The following DDC variants were observed in gnomAD, a reference collection of about 807,000 sequenced individuals.
The protein encoded by DDC is aromatic-L-amino-acid decarboxylase.
DDC carries 43 observed loss-of-function variants against 60.0 expected under a neutral mutation model. That is an observed-to-expected ratio of 0.72 (90% CI 0.56 to 0.92). The LOEUF is 0.92. Ranked by LOEUF, DDC falls within the 40% of genes least tolerant of loss-of-function variation. The pLI, the probability that DDC is intolerant of heterozygous loss-of-function variation, is 0.00. For missense variants in DDC, 573 were observed against 620.2 expected (o/e 0.92, Z 0.81); for synonymous variants, 232 against 234.6 (o/e 0.99, Z 0.10).
At chr7:50,512,938 C>G (rs2043620280) in intron 6 of DDC, among the ~76,000 whole-genome samples, 2 of 152,162 alleles carry the variant, frequency 1.3e-5, no homozygotes, top group Admixed American at 6.6e-5. Context: ...CTGAAAGAAC[C>G]TTACATTTAT....
intron 9 of DDC, among the ~76,000 whole-genome samples, chr7:50,487,438 A>G (rs1486166741): frequency 2.0e-5 from 3 of 152,170 alleles, no homozygotes; most frequent in Non-Finnish European, 4.4e-5. Flanking sequence ...TTTTTGCTTA[A>G]GAAAATGTAT....
intron 14 of DDC, among the ~76,000 whole-genome samples, chr7:50,462,287 T>G: frequency 6.9e-6 from 1 of 145,248 alleles, no homozygotes; most frequent in East Asian, 2.0e-4. Context: ...CCCAACAGGA[T>G]GACATTCTTA....
intron 11 of DDC, among the ~76,000 whole-genome samples, chr7:50,472,763 C>T (rs985653387): frequency 2.0e-5 from 3 of 152,172 alleles, no homozygotes; most frequent in Non-Finnish European, 4.4e-5. Context: ...TGAACAGCCT[C>T]CTCCTGGGAC....
intron 6 of DDC, among the ~76,000 whole-genome samples, chr7:50,519,478 C>T (rs187808051): frequency 2.6e-5 from 4 of 152,304 alleles, no homozygotes; most frequent in East Asian, 1.9e-4. Context: ...ATTGCAAAAT[C>T]GTGGAACCAA....
chr7:50,495,281 T>G (rs1563001839), intron 9 of DDC, 69 bp downstream of exon 9: 2 of 1,211,342 alleles, frequency 1.7e-6, no homozygotes, highest in East Asian at 4.6e-5. Context: ...GGCTCTGGCA[T>G]CTTCCCTGCC....
chr7:50,505,706 C>G (rs930817593), intron 6 of DDC, among the ~76,000 whole-genome samples: 2 of 152,256 alleles, frequency 1.3e-5, no homozygotes, highest in African/African-American at 4.8e-5. Context: ...ACTTCTCAGA[C>G]AGAGCGATGC....
intron 6 of DDC, among the ~76,000 whole-genome samples, chr7:50,519,980 C>T (rs1248549591): frequency 7.5e-6 from 1 of 134,120 alleles, no homozygotes; most frequent in Non-Finnish European, 1.7e-5. Flanking sequence ...AAACAAAAAC[C>T]AGTAAATCCT....
Position 50,511,394 on chromosome 7 carries a change from G to A in DDC, c.715-7335C>T, listed in dbSNP as rs112622892. Among the ~76,000 whole-genome samples, 293 of 152,206 alleles carry A rather than the reference G, an allele frequency of 1.9e-3. 2 individuals are homozygous for A. Among genetic ancestry groups the A allele is most frequent in the African/African-American group, 6.7e-3 (278 of 41,508 alleles). On this transcript the variant is annotated intron_variant, in intron 6 of 14. Transcript: ENST00000444124. ...AAAGAAAGAAAATCTGACTAGGCATGGTGGCTCATGCTTGTAACCCCAACA... is the reference window on the plus strand; with the variant it reads ...AAAGAAAGAAAATCTGACTAGGCATAGTGGCTCATGCTTGTAACCCCAACA...
intron 7 of DDC, among the ~76,000 whole-genome samples, chr7:50,503,494 A>G (rs2043307360): frequency 6.6e-6 from 1 of 152,228 alleles, no homozygotes; most frequent in Admixed American, 6.5e-5. Flanking sequence ...TGAAGCACAG[A>G]TTATTCCTTG....
chr7:50,507,094 A>G (rs568737279), intron 6 of DDC, among the ~76,000 whole-genome samples: 1 of 152,344 alleles, frequency 6.6e-6, no homozygotes, highest in South Asian at 2.1e-4. Context: ...GAGAATAGCG[A>G]AAAAGAATGA....
At chr7:50,510,244 A>G (rs1043720855) in intron 6 of DDC, among the ~76,000 whole-genome samples, 4 of 151,858 alleles carry the variant, frequency 2.6e-5, no homozygotes, top group African/African-American at 7.3e-5. Flanking sequence ...CAAAGTGCTG[A>G]GATTACAGGT....
At position 50,543,984 on chromosome 7, in the gene DDC, C is replaced by T. The variant is rs1181798274; in HGVS notation, c.102G>A (p.Glu34=). 1 of 1,614,086 alleles carries T rather than the reference C, an allele frequency of 6.2e-7. No homozygotes were observed. Among genetic ancestry groups the T allele is most frequent in the Non-Finnish European group, 8.5e-7 (1 of 1,180,042 alleles). The part of the protein sequence containing the change: ...IEGRQVYPDV[E]PGYLRPLIPA... ...GGATCAGCGGCCGCAGGTACCCGGG[C>T]TCCACGTCAGGGTAGACCTGGCGTC... The change falls in exon 2 of 15, where the codon GAG becomes GAA. Residue 34 remains glutamate (E), a synonymous_variant. Coordinates refer to ENST00000444124, the MANE Select transcript of DDC (RefSeq NM_001082971.2).
rs866560954 is a variant in DDC at position 50,529,071 on chromosome 7, G to A, written c.570+137C>T. On this transcript the variant is annotated intron_variant, in intron 5 of 14. Transcript: ENST00000444124. ...CCCAAGAATCCACCCCTTCCCTGTA[G>A]TTCAGGTCTCTATTTAGTGATACCT... The A allele has an allele frequency of 6.9e-6, 8 of 1,155,524 alleles. No homozygotes were observed. The Middle Eastern group carries it at 1.1e-3, about 164-fold the overall frequency. The allele number at this position is 1,155,524 out of a possible 1,614,324, so 71.6% of individuals were successfully genotyped here.
In DDC at chr7:50,497,716, G is replaced by A. The variant is rs192542866; in HGVS notation, c.876+1432C>T. Among the ~76,000 whole-genome samples the A allele has an allele frequency of 2.9e-3, 442 of 152,212 alleles. 2 individuals carry two copies. Among genetic ancestry groups the A allele is most frequent in the South Asian group, 0.016 (75 of 4,830 alleles). On this transcript the variant is annotated intron_variant, in intron 8 of 14. Coordinates refer to ENST00000444124, the MANE Select transcript of DDC (RefSeq NM_001082971.2). Reference sequence around the variant, plus strand: ...ATATACTATACCCTCTCTCCAGTGCGTACATAGGTCTTTGGAAGCTCCATT... The same window carrying A: ...ATATACTATACCCTCTCTCCAGTGCATACATAGGTCTTTGGAAGCTCCATT...
intron 1 of DDC, among the ~76,000 whole-genome samples, chr7:50,549,311 G>A (rs990478027): frequency 2.0e-5 from 3 of 152,122 alleles, no homozygotes; most frequent in Non-Finnish European, 4.4e-5. Context: ...CTTCAGCAAA[G>A]TAAATTAAAA....
intron 6 of DDC, 106 bp downstream of exon 6, chr7:50,528,031 G>A: frequency 7.6e-7 from 1 of 1,319,014 alleles, no homozygotes; most frequent in Non-Finnish European, 1.0e-6. Context: ...CGAGTAGCTG[G>A]GATTACAAGA....
intron 6 of DDC, among the ~76,000 whole-genome samples, chr7:50,505,525 C>T (rs1357750799): frequency 2.0e-5 from 3 of 152,212 alleles, no homozygotes; most frequent in Non-Finnish European, 4.4e-5. Context: ...AGTTCGAGAC[C>T]TTTGTGGCTC....
intron 13 of DDC, among the ~76,000 whole-genome samples, chr7:50,466,259 G>A (rs890080390): frequency 6.6e-6 from 1 of 152,158 alleles, no homozygotes; most frequent in Non-Finnish European, 1.5e-5. Context: ...AGAGGCTGAG[G>A]CGGGTGGATC....
At chr7:50,486,883 A>G (rs1484161387) in intron 9 of DDC, among the ~76,000 whole-genome samples, 2 of 152,210 alleles carry the variant, frequency 1.3e-5, no homozygotes, top group African/African-American at 4.8e-5. Context: ...CTCTAAGTTC[A>G]TCTTATCTGT....
Sources: allele counts gnomAD v4.1 joint callset (sites outside exome capture counted in the v4.1 genomes callset), GRCh38; gene constraint gnomAD v4.1.1; transcripts MANE v1.5; gene names NCBI Gene and HGNC (gene_info 2026-07-23, HGNC 2026-07-21).